The following ZRANB1 variants were observed in gnomAD, a reference collection of about 807,000 sequenced individuals.
ZRANB1 encodes the protein zinc finger RANBP2-type containing 1, also known as ubiquitin thioesterase ZRANB1.
Under a neutral mutation model 80.5 loss-of-function variants are expected in ZRANB1, and 16 were observed. The ratio of observed to expected loss-of-function variants is 0.20; its 90% CI spans 0.13 to 0.30. The LOEUF (loss-of-function observed/expected upper bound fraction) is 0.30, where lower values mean the gene tolerates loss of function less well. Among genes scored for constraint, ZRANB1 ranks in the 10% least tolerant of loss-of-function variants. The pLI is 1.00. For missense variants in ZRANB1, 576 were observed against 862.6 expected, an observed-to-expected ratio of 0.67 and a Z score of 4.16; for synonymous variants, 291 against 293.1, an observed-to-expected ratio of 0.99 and a Z score of 0.07.
At chr10:124,940,586 T>C, upstream of ZRANB1, 1 of 1,240,092 alleles carries the variant, frequency 8.1e-7, no homozygotes, top group Non-Finnish European at 1.1e-6. Context: ...AGTAGTATAC[T>C]TTCTTATAGT....
rs2134282105 is a variant in ZRANB1, at chr10:124,966,604, A to G, written c.825A>G (p.Glu275=). The G allele has an allele frequency of 6.2e-7, 1 of 1,613,178 alleles. No homozygotes were observed. ...TGATGCTTGTTTTAGGGGTTGTAGA[A>G]GGTGATTTAGCTGCCATAGAAGCAT... The part of the protein sequence containing the change: ...LFLNACVGVV[E]GDLAAIEAYK... The change falls in exon 2 of 9, where the codon GAA becomes GAG. Residue 275 remains glutamate, a synonymous_variant. Coordinates refer to ENST00000359653, the MANE Select transcript of ZRANB1 (RefSeq NM_017580.3).
intron 1 of ZRANB1, among the ~76,000 whole-genome samples, chr10:124,953,873 G>C (rs1262902333): frequency 6.6e-6 from 1 of 152,130 alleles, no homozygotes; most frequent in Admixed American, 6.5e-5. Context: ...TAAGTGCTGG[G>C]TTATGAACTC....
chr10:124,983,448 T>C lies in ZRANB1; in HGVS notation c.1679-11T>C. The C allele has an allele frequency of 6.2e-7, 1 of 1,603,998 alleles. No homozygotes were observed. Among genetic ancestry groups the C allele is most frequent in the Non-Finnish European group, 8.5e-7 (1 of 1,172,648 alleles). On this transcript the variant is annotated splice_polypyrimidine_tract_variant and intron_variant, in intron 7 of 8. Transcript: ENST00000359653. The surrounding 1 kb of genome is among the most constrained non-coding windows in gnomAD (Gnocchi z 6.2). The stretch of plus-strand genomic sequence containing the variant: ...CTGTGACTGTTGGGATTTTCTTCCC[T>C]CTCTTTCCAGGTGTTTATCTGCCTT...
At chr10:124,953,921 A>G (rs1589844041) in intron 1 of ZRANB1, among the ~76,000 whole-genome samples, 1 of 151,182 alleles carries the variant, frequency 6.6e-6, no homozygotes, top group East Asian at 1.9e-4. Flanking sequence ...TTCTACTGAA[A>G]GATACTCTTC....
In ZRANB1 at chr10:124,985,952, G is replaced by A. The variant is rs558360621; in HGVS notation, c.*960G>A. ...TGTTAGAAGGGCATGCCTTTGCTTA[G>A]GCAGATTGGGAATACCAATTCACTA... On this transcript the variant is annotated 3_prime_UTR_variant, in exon 9 of 9. Coordinates refer to ENST00000359653, the MANE Select transcript of ZRANB1 (RefSeq NM_017580.3). 6.6e-6 allele frequency: 1 copy of A among 152,334 alleles called. No homozygotes were observed. Among genetic ancestry groups the A allele is most frequent in the Non-Finnish European group, 1.5e-5 (1 of 68,030 alleles). The allele number at this position is 152,334 out of a possible 1,614,324, so 9.4% of individuals were successfully genotyped here.
In ZRANB1 at chr10:124,985,101, G is replaced by T; in HGVS notation, c.*109G>T. ...ATCATGGAATGAACCAAATCTGGCA[G>T]GATCTGCTCGGGGAAGTGTTTTCCT... On this transcript the variant is annotated 3_prime_UTR_variant, in exon 9 of 9. Coordinates refer to ENST00000359653, the MANE Select transcript of ZRANB1 (RefSeq NM_017580.3). 2.4e-6 allele frequency: 2 copies of T among 828,504 alleles called. No homozygotes were observed. Among genetic ancestry groups the T allele is most frequent in the Non-Finnish European group, 3.8e-6 (2 of 523,494 alleles). The allele number at this position is 828,504 out of a possible 1,614,324, so 51.3% of individuals were successfully genotyped here.
At chr10:124,929,089 C>T in the ZRANB1 span, among the ~76,000 whole-genome samples, 1 of 152,130 alleles carries the variant, frequency 6.6e-6, no homozygotes, top group Non-Finnish European at 1.5e-5. Context: ...ATCCAAGTGA[C>T]AAATAATGGT....
chr10:124,921,230 G>A, the ZRANB1 span, among the ~76,000 whole-genome samples: 5,202 of 152,234 alleles, frequency 0.034, 277 homozygotes, highest in African/African-American at 0.11. Flanking sequence ...ATATTGTATG[G>A]AGGTAACATT....
Position 124,942,630 on chromosome 10 carries a change from C to T in ZRANB1, c.137C>T (p.Ser46Leu), listed in dbSNP as rs772811871. 3 of 1,614,042 alleles carry T rather than the reference C, an allele frequency of 1.9e-6. No individual in the cohort carries two copies. The East Asian group carries it at 6.7e-5, about 36-fold the overall frequency. The change falls in exon 1 of 9, where the codon TCA becomes TTA. Residue 46 changes from serine to leucine, a missense_variant. Ser to Leu is a moderately radical substitution (Grantham distance 145). Transcript: ENST00000359653. The stretch of plus-strand genomic sequence containing the variant: ...ACAGAAGATCCATTTAAAAGTGGTT[C>T]AAGTGATGTTGGTAGAGATTGGGAT... Reference protein sequence around the residue: ...IITEDPFKSGSSDVGRDWDPS... With the variant: ...IITEDPFKSGLSDVGRDWDPS...
rs1015358422 is a variant in ZRANB1, at chr10:124,983,720, T to C, written c.1908+32T>C. 1.3e-6 allele frequency: 2 copies of C among 1,510,018 alleles called. No individual in the cohort carries two copies. Among genetic ancestry groups the C allele is most frequent in the African/African-American group, 2.8e-5 (2 of 72,506 alleles). The allele number at this position is 1,510,018 out of a possible 1,614,324, so 93.5% of individuals were successfully genotyped here. A position where few individuals can be genotyped will look rare whatever the true frequency, so the allele number is the denominator to read the frequency against. On this transcript the variant is annotated intron_variant, in intron 8 of 8. Coordinates refer to ENST00000359653, the MANE Select transcript of ZRANB1 (RefSeq NM_017580.3). This position sits in a 1 kb window ranked among gnomAD's most constrained non-coding sequence, Gnocchi z 6.2. ...AGTTTCTCCTATGAACTATTTCTAGTAGTGACCTTGTACCAGAAACAGCCT... is the reference window on the plus strand; with the variant it reads ...AGTTTCTCCTATGAACTATTTCTAGCAGTGACCTTGTACCAGAAACAGCCT...
the ZRANB1 span, among the ~76,000 whole-genome samples, chr10:124,919,505 C>G: frequency 6.6e-6 from 1 of 151,928 alleles, no homozygotes; most frequent in East Asian, 1.9e-4. Flanking sequence ...CGAGATCCAG[C>G]CACTGCACTC....
At chr10:124,949,068 G>A (rs1951608549) in intron 1 of ZRANB1, among the ~76,000 whole-genome samples, 1 of 152,118 alleles carries the variant, frequency 6.6e-6, no homozygotes, top group Non-Finnish European at 1.5e-5. Context: ...ACAGGAAAGG[G>A]TATAGAGGCT....
chr10:124,931,252 TG>T, the ZRANB1 span, among the ~76,000 whole-genome samples: 1 of 152,116 alleles, frequency 6.6e-6, no homozygotes, highest in Non-Finnish European at 1.5e-5. Flanking sequence ...AACGATTTTT[TG>T]TAGAGATGGA....
At chr10:124,963,660 A>G (rs1304936921) in intron 1 of ZRANB1, among the ~76,000 whole-genome samples, 1 of 140,590 alleles carries the variant, frequency 7.1e-6, no homozygotes, top group Non-Finnish European at 1.5e-5. Flanking sequence ...TTATATGCGT[A>G]TGGGCCAAAT....
chr10:124,964,993 CATA>C (rs1296054160), intron 1 of ZRANB1, among the ~76,000 whole-genome samples: 2 of 152,178 alleles, frequency 1.3e-5, no homozygotes, highest in African/African-American at 4.8e-5. Flanking sequence ...TGTATTTGAA[CATA>C]ATAATTGGAA....
chr10:124,962,222 C>A, intron 1 of ZRANB1: 1 of 191,872 alleles, frequency 5.2e-6, no homozygotes, highest in Non-Finnish European at 9.6e-6. Context: ...ACATCTGCAT[C>A]TTTCTCTGAC....
intron 1 of ZRANB1, among the ~76,000 whole-genome samples, chr10:124,954,114 T>TG (rs1362227427): frequency 6.7e-6 from 1 of 148,390 alleles, no homozygotes; most frequent in Non-Finnish European, 1.5e-5. Flanking sequence ...TCCAGAATAG[T>TG]GCACCACCAT....
intron 1 of ZRANB1, among the ~76,000 whole-genome samples, chr10:124,960,186 G>A (rs556553037): frequency 4.6e-5 from 7 of 152,250 alleles, no homozygotes; most frequent in African/African-American, 1.7e-4. Context: ...GGGGCTGTGA[G>A]TGTCTACAGA....
At chr10:124,948,235 T>C (rs1332362965) in intron 1 of ZRANB1, among the ~76,000 whole-genome samples, 1 of 152,216 alleles carries the variant, frequency 6.6e-6, no homozygotes, top group Non-Finnish European at 1.5e-5. Flanking sequence ...CTCTTCCTTA[T>C]GATTTTCTTA....
Sources: gnomAD v4.1 joint callset for allele counts (sites outside exome capture counted in the v4.1 genomes callset) on GRCh38, gnomAD v4.1.1 for gene constraint, Gnocchi (gnomAD v3.1) non-coding constraint, MANE v1.5 for transcripts, NCBI Gene and HGNC (gene_info 2026-07-23, HGNC 2026-07-21) for gene names.